The following MYH2 variants were observed in gnomAD, a reference collection of about 807,000 sequenced individuals.
The protein encoded by MYH2 is myosin heavy chain 2.
In MYH2, 139 loss-of-function variants were observed where a neutral mutation model predicts 228.1. That is an observed-to-expected ratio of 0.61 (90% CI 0.53 to 0.70). The LOEUF is 0.70. MYH2 is among the 30% of genes least tolerant of loss of function. The pLI is 0.00. For missense variants in MYH2, 1,809 were observed against 2,357.5 expected (o/e 0.77, Z 4.82); for synonymous variants, 796 against 871.1 (o/e 0.91, Z 1.52).
intron 5 of MYH2, among the ~76,000 whole-genome samples, chr17:10,544,731 A>T (rs144921760): frequency 2.2e-4 from 33 of 152,272 alleles, no homozygotes; most frequent in African/African-American, 6.3e-4. Context: ...GCCCCTTCTC[A>T]AGGTGCCACA....
At chr17:10,548,597 T>G (rs902397478) in intron 2 of MYH2, among the ~76,000 whole-genome samples, 2 of 152,190 alleles carry the variant, frequency 1.3e-5, no homozygotes, top group Non-Finnish European at 2.9e-5. Context: ...CTGACATAAT[T>G]TTTTGCATAT....
At position 10,543,448 on chromosome 17, in the gene MYH2, G is replaced by A. The variant is rs547027006; in HGVS notation, c.741+263C>T. Among the ~76,000 whole-genome samples the A allele has an allele frequency of 5.3e-5, 8 of 152,206 alleles. No homozygotes were observed. The East Asian group carries it at 1.5e-3, about 29-fold the overall frequency. Reference sequence around the variant, plus strand: ...CAAAACATCACATTGTATTTCGTAAGTACAATTATTATTTGTAAATTAAAA... The same window carrying A: ...CAAAACATCACATTGTATTTCGTAAATACAATTATTATTTGTAAATTAAAA... On this transcript the variant is annotated intron_variant, in intron 8 of 39. Transcript: ENST00000245503.
Position 10,527,852 on chromosome 17 carries a change from C to T in MYH2, c.3767G>A (p.Arg1256Gln), listed in dbSNP as rs141448415. Residue 1256 changes from arginine to glutamine, a missense_variant, in exon 28 of 40, where the codon CGG (arginine) becomes CAG (glutamine). Physicochemically the swap from Arg to Gln is conservative, Grantham distance 43. Around this residue, in one of 9 missense-constraint regions of MYH2, gnomAD observed 636 missense variants for 729.9 expected, o/e 0.87. Coordinates refer to ENST00000245503, the MANE Select transcript of MYH2 (RefSeq NM_017534.6). ...TTCACTCAGTTGGTCCTCTAGAGTCCGGCACATTTTCTCTAGGTTTCCCTA... is the reference window on the plus strand; with the variant it reads ...TTCACTCAGTTGGTCCTCTAGAGTCTGGCACATTTTCTCTAGGTTTCCCTA... ...KAKGNLEKMC[R>Q]TLEDQLSELK... The T allele has an allele frequency of 2.1e-5, 34 of 1,613,442 alleles. No individual in the cohort carries two copies. Among genetic ancestry groups the T allele is most frequent in the Non-Finnish European group, 2.3e-5 (27 of 1,179,978 alleles).
chr17:10,531,650 G>T lies in MYH2; in HGVS notation c.2680C>A (p.Gln894Lys), dbSNP rs2073424504. 1 of 1,614,050 alleles carries T rather than the reference G, an allele frequency of 6.2e-7. No homozygotes were observed. The highest frequency in any genetic ancestry group is 8.5e-7 in the Non-Finnish European group (1 of 1,180,026). Reference protein sequence around the residue: ...VTLLKEKNDLQLQVQAEAEGL... With the variant: ...VTLLKEKNDLKLQVQAEAEGL... ...CAACTCACAGCCTGAACTTGGAGCT[G>T]CAAGTCATTTTTTTCTTTCAACAGC... Residue 894 changes from glutamine (Q) to lysine (K), a missense_variant, in exon 22 of 40, where the codon CAG becomes AAG. Physicochemically the swap from Gln to Lys is moderately conservative, Grantham distance 53 (BLOSUM62 1). Around this residue, in one of 9 missense-constraint regions of MYH2, gnomAD observed 276 missense variants for 344.2 expected, o/e 0.80. Coordinates refer to ENST00000245503, the MANE Select transcript of MYH2 (RefSeq NM_017534.6).
chr17:10,528,567 G>A, intron 27 of MYH2, 123 bp downstream of exon 27: 1 of 1,302,380 alleles, frequency 7.7e-7, no homozygotes, highest in Non-Finnish European at 1.1e-6. Context: ...CTGATTTTTT[G>A]TGCTTACTTC....
chr17:10,547,640 C>A (rs373848425), intron 3 of MYH2, 22 bp from the exon 4 acceptor site: 3 of 1,614,088 alleles, frequency 1.9e-6, no homozygotes, highest in Non-Finnish European at 8.5e-7. Context: ...GAAAGATAAC[C>A]GTTTACATTA....
chr17:10,523,358 C>G lies in MYH2; in HGVS notation c.5527G>C (p.Val1843Leu), dbSNP rs1366193751. The stretch of plus-strand genomic sequence containing the variant: ...CTCTCATGTTTGCGCAGACCTTTGA[C>G]AGCCTCAGCATTACGCTTTTGCTCA... ...ESEQKRNAEA[V>L]KGLRKHERRV... is the part of the protein sequence containing the mutation. Residue 1843 changes from valine to leucine, a missense_variant, in exon 38 of 40, where the codon GTC (valine) becomes CTC (leucine). This residue lies in a region of MYH2 where 278 missense variants were observed against 308.5 expected (regional missense o/e 0.90). Transcript: ENST00000245503. 6 of 1,614,238 alleles carry G rather than the reference C, an allele frequency of 3.7e-6. No homozygotes were observed. Among genetic ancestry groups the G allele is most frequent in the Non-Finnish European group, 5.1e-6 (6 of 1,180,042 alleles).
chr17:10,537,815 C>A lies in MYH2; in HGVS notation c.1437G>T (p.Leu479=), dbSNP rs763847072. 1.9e-6 allele frequency: 3 copies of A among 1,614,180 alleles called. No homozygotes were observed. Among genetic ancestry groups the A allele is most frequent in the Non-Finnish European group, 1.7e-6 (2 of 1,180,034 alleles). ...GTTTCTCATTGGTGAAGTTGATGCA[C>A]AGCTGCTCCAGGCTGTTGAACTAAA... ...EIFDFNSLEQ[L]CINFTNEKLQ... Residue 479 remains leucine (L), a synonymous_variant, in exon 15 of 40, where the codon CTG becomes CTT. Coordinates refer to ENST00000245503, the MANE Select transcript of MYH2 (RefSeq NM_017534.6). This position sits in a 1 kb window ranked among gnomAD's most constrained non-coding sequence, Gnocchi z 4.0.
rs141764966 is a variant in MYH2, at chr17:10,531,675, C to T, written c.2655G>A (p.Thr885=). 1.2e-5 allele frequency: 20 copies of T among 1,614,042 alleles called. No homozygotes were observed. Among genetic ancestry groups the T allele is most frequent in the East Asian group, 8.9e-5 (4 of 44,904 alleles). The part of the protein sequence containing the change: ...KRKELEEKMV[T]LLKEKNDLQL... Reference sequence around the variant, plus strand: ...GCAAGTCATTTTTTTCTTTCAACAGCGTCACCATCTTTTCTTCCAGTTCCT... The same window carrying T: ...GCAAGTCATTTTTTTCTTTCAACAGTGTCACCATCTTTTCTTCCAGTTCCT... Residue 885 remains threonine, a synonymous_variant, in exon 22 of 40, where the codon ACG becomes ACA. Coordinates refer to ENST00000245503, the MANE Select transcript of MYH2 (RefSeq NM_017534.6).
At chr17:10,534,653 A>T (rs985035804) in intron 19 of MYH2, among the ~76,000 whole-genome samples, 1 of 152,246 alleles carries the variant, frequency 6.6e-6, no homozygotes, top group African/African-American at 2.4e-5. Flanking sequence ...ATGGTGGCTC[A>T]TGCCTGTAAT....
rs1206767567 is a variant in MYH2, at chr17:10,543,935, C to G, written c.615G>C (p.Lys205Asn). 6.2e-7 allele frequency: 1 copy of G among 1,614,220 alleles called. No individual in the cohort carries two copies. Among genetic ancestry groups the G allele is most frequent in the Non-Finnish European group, 8.5e-7 (1 of 1,180,030 alleles). The change falls in exon 7 of 40, where the codon AAG becomes AAC. Residue 205 changes from lysine (K) to asparagine (N), a missense_variant. Physicochemically the swap from Lys to Asn is moderately conservative, Grantham distance 94. Transcript: ENST00000245503. The part of the protein sequence containing the change: ...YFATIAVTGE[K>N]KKEEITSGKI... The stretch of plus-strand genomic sequence containing the variant: ...TGCCAGAAGTAATTTCTTCCTTCTT[C>G]TTCTCACCAGTAACTGCAATTGTTG...
At chr17:10,541,962 C>T (rs1198163002) in intron 10 of MYH2, among the ~76,000 whole-genome samples, 1 of 152,056 alleles carries the variant, frequency 6.6e-6, no homozygotes, top group Non-Finnish European at 1.5e-5. Flanking sequence ...TGTCATGGTG[C>T]TCTTATAAAT....
chr17:10,539,842 AC>A, intron 12 of MYH2, 85 bp downstream of exon 12: 1 of 1,572,016 alleles, frequency 6.4e-7, no homozygotes, highest in East Asian at 2.2e-5. Context: ...AAGTGAATTT[AC>A]CTTCCCTAGG....
At chr17:10,539,626 A>AT (rs907532839) in intron 12 of MYH2, 64 bp from the exon 13 acceptor site, 137 of 1,476,026 alleles carry the variant, frequency 9.3e-5, no homozygotes, top group Non-Finnish European at 1.2e-4. Context: ...CCTTAAAAAT[A>AT]TTTTTTAAAC....
At chr17:10,544,225 A>G (rs2073597237) in intron 5 of MYH2, 98 bp from the exon 6 acceptor site, 10 of 1,472,412 alleles carry the variant, frequency 6.8e-6, no homozygotes, top group Non-Finnish European at 9.3e-6. Context: ...TTCAGTCTGG[A>G]CTTTGCAACC....
intron 8 of MYH2, 37 bp from the exon 9 acceptor site, chr17:10,543,198 T>C (rs754142202): frequency 9.8e-6 from 14 of 1,426,156 alleles, no homozygotes; most frequent in Middle Eastern, 2.3e-4. Context: ...CTTTTTTTTA[T>C]ATAATATTAA....
At chr17:10,545,220 C>A in intron 5 of MYH2, 126 bp downstream of exon 5, 1 of 1,567,056 alleles carries the variant, frequency 6.4e-7, no homozygotes, top group Non-Finnish European at 8.8e-7. Flanking sequence ...CCTTCTCCTT[C>A]ATAAATACAC....
chr17:10,544,301 A>T (rs1287978679), intron 5 of MYH2, among the ~76,000 whole-genome samples, 174 bp from the exon 6 acceptor site: 1 of 152,180 alleles, frequency 6.6e-6, no homozygotes, highest in East Asian at 1.9e-4. Flanking sequence ...ACATCCACCC[A>T]TTTAAACAGA....
rs746116484 is a variant in MYH2 at position 10,536,809 on chromosome 17, AT to A, written c.1898-204del. Among the ~76,000 whole-genome samples the A allele has an allele frequency of 1.4e-4, 21 of 152,318 alleles. No individual in the cohort carries two copies. The East Asian group carries it at 3.1e-3, about 22-fold the overall frequency. Reference sequence around the variant, plus strand: ...TCTCCAGTGGGAAATGAGGCCAGGGATATTCACCTGACCGTATAGAGAGGGA... The same window carrying A: ...TCTCCAGTGGGAAATGAGGCCAGGGAATTCACCTGACCGTATAGAGAGGGA... On this transcript the variant is annotated intron_variant, in intron 16 of 39. Coordinates refer to ENST00000245503, the MANE Select transcript of MYH2 (RefSeq NM_017534.6).
Sources: gnomAD v4.1 joint callset for allele counts (sites outside exome capture counted in the v4.1 genomes callset) on GRCh38, gnomAD v4.1.1 for gene constraint, gnomAD v4.1.1 regional missense constraint, Gnocchi (gnomAD v3.1) non-coding constraint, MANE v1.5 for transcripts, NCBI Gene and HGNC (gene_info 2026-07-23, HGNC 2026-07-21) for gene names.